Variants in NCAM2 observed in about 807,000 individuals in gnomAD.
NCAM2 encodes N-CAM-2.
Under a neutral mutation model 98.1 loss-of-function variants are expected in NCAM2, and 30 were observed. The observed-to-expected ratio is 0.31, with a 90% confidence interval of 0.23 to 0.41. The LOEUF (loss-of-function observed/expected upper bound fraction) is 0.41. Ranked by LOEUF, NCAM2 falls within the 10% of genes least tolerant of loss-of-function variation. NCAM2 has a pLI of 1.00. For missense variants in NCAM2, 867 were observed against 1,005.8 expected (o/e 0.86, Z 1.87); for synonymous variants, 368 against 342.4 (o/e 1.07, Z -0.83).
Position 21,030,020 on chromosome 21 carries a change from A to G in NCAM2, c.55+31402A>G, listed in dbSNP as rs557636758. ...ATTTAATTAAATATGTTGAAATCAT[A>G]TTACATTCTTATAATTATTCATGGT... On this transcript the variant is annotated intron_variant, in intron 1 of 17. Coordinates refer to ENST00000400546, the MANE Select transcript of NCAM2 (RefSeq NM_004540.5). 6.6e-5 allele frequency among the ~76,000 whole-genome samples: 10 copies of G among 152,300 alleles called. No individual in the cohort carries two copies. The East Asian group carries it at 1.5e-3, about 23-fold the overall frequency.
At chr21:21,307,692 C>A in intron 5 of NCAM2, among the ~76,000 whole-genome samples, 1 of 152,054 alleles carries the variant, frequency 6.6e-6, no homozygotes, top group East Asian at 1.9e-4. Context: ...GGTGCCTTTA[C>A]CTTTGAGCAA....
chr21:21,398,928 T>C (rs1010273705), intron 9 of NCAM2, among the ~76,000 whole-genome samples: 1 of 152,174 alleles, frequency 6.6e-6, no homozygotes, highest in Non-Finnish European at 1.5e-5. Context: ...AGGTTTATTC[T>C]GAGAGCCAGC....
intron 9 of NCAM2, among the ~76,000 whole-genome samples, chr21:21,387,131 G>A (rs1266869427): frequency 6.6e-6 from 1 of 151,536 alleles, no homozygotes; most frequent in East Asian, 1.9e-4. Context: ...TGACTGGTAA[G>A]GGCCCTCTTT....
intron 8 of NCAM2, among the ~76,000 whole-genome samples, chr21:21,344,697 G>A (rs2075140643): frequency 6.6e-6 from 1 of 152,160 alleles, no homozygotes; most frequent in Admixed American, 6.5e-5. Context: ...TGGGGCAAGG[G>A]GGACCTTGCT....
intron 5 of NCAM2, 123 bp from the exon 6 acceptor site, chr21:21,324,260 C>G: frequency 1.6e-6 from 1 of 627,160 alleles, no homozygotes; most frequent in South Asian, 2.5e-5. Flanking sequence ...AAATCAGTTT[C>G]ATTAATATAA....
intron 8 of NCAM2, among the ~76,000 whole-genome samples, chr21:21,371,489 AT>A (rs2075913523): frequency 3.3e-5 from 5 of 151,744 alleles, no homozygotes; most frequent in Admixed American, 3.3e-4. Context: ...TATGGTCCCT[AT>A]TTACCTGTCC....
At chr21:21,506,838 T>G (rs1437563860) in intron 15 of NCAM2, among the ~76,000 whole-genome samples, 1 of 152,170 alleles carries the variant, frequency 6.6e-6, no homozygotes, top group African/African-American at 2.4e-5. Flanking sequence ...CTTGTGTTTA[T>G]CACTAGTTTT....
chr21:21,327,227 G>A (rs2074540079), intron 6 of NCAM2, among the ~76,000 whole-genome samples: 1 of 142,992 alleles, frequency 7.0e-6, no homozygotes, highest in Non-Finnish European at 1.5e-5. Context: ...AGAATAGCTT[G>A]AACCCGGGAG....
At chr21:21,077,829 A>G (rs2065710852) in intron 1 of NCAM2, among the ~76,000 whole-genome samples, 1 of 152,118 alleles carries the variant, frequency 6.6e-6, no homozygotes, top group Non-Finnish European at 1.5e-5. Context: ...TTGGCACATT[A>G]TTTTACACAT....
chr21:21,398,376 G>A (rs2076559712), intron 9 of NCAM2, among the ~76,000 whole-genome samples: 1 of 151,988 alleles, frequency 6.6e-6, no homozygotes, highest in Admixed American at 6.6e-5. Flanking sequence ...CTTATCCTTA[G>A]AACCAAACAC....
chr21:21,123,171 G>A (rs1473298699), intron 1 of NCAM2, among the ~76,000 whole-genome samples: 1 of 151,808 alleles, frequency 6.6e-6, no homozygotes, highest in Admixed American at 6.6e-5. Context: ...GATGTGGGCC[G>A]GATCATGAGG....
At chr21:21,511,616 A>G (rs1988388607) in intron 16 of NCAM2, among the ~76,000 whole-genome samples, 1 of 151,956 alleles carries the variant, frequency 6.6e-6, no homozygotes. Context: ...CAAGCAGAGG[A>G]ATCACTGGAT....
At chr21:21,246,061 G>A (rs942513183) in intron 1 of NCAM2, among the ~76,000 whole-genome samples, 1 of 152,140 alleles carries the variant, frequency 6.6e-6, no homozygotes, top group Non-Finnish European at 1.5e-5. Flanking sequence ...AAATGACAGC[G>A]TACTACTTTG....
At chr21:21,028,839 A>G (rs1459095625) in intron 1 of NCAM2, among the ~76,000 whole-genome samples, 1 of 152,196 alleles carries the variant, frequency 6.6e-6, no homozygotes, top group Non-Finnish European at 1.5e-5. Context: ...AGGGAAACAA[A>G]ACAAGTGTAT....
intron 1 of NCAM2, among the ~76,000 whole-genome samples, chr21:21,229,254 A>G (rs1170056561): frequency 6.6e-6 from 1 of 151,498 alleles, no homozygotes; most frequent in African/African-American, 2.4e-5. Context: ...TTAATAACCT[A>G]TGTTTGATTT....
chr21:21,231,381 A>G (rs1294312244), intron 1 of NCAM2, among the ~76,000 whole-genome samples: 1 of 151,368 alleles, frequency 6.6e-6, no homozygotes, highest in East Asian at 1.9e-4. Flanking sequence ...ATTATCATGT[A>G]CTTCCTGGGA....
At chr21:21,234,263 C>G (rs960390097) in intron 1 of NCAM2, among the ~76,000 whole-genome samples, 2 of 151,544 alleles carry the variant, frequency 1.3e-5, no homozygotes, top group African/African-American at 2.4e-5. Flanking sequence ...AAATAGGAAC[C>G]CTTCACTCAT....
intron 1 of NCAM2, among the ~76,000 whole-genome samples, chr21:21,054,200 C>G (rs1224894172): frequency 6.6e-6 from 1 of 151,898 alleles, no homozygotes; most frequent in African/African-American, 2.4e-5. Flanking sequence ...ATTGAATAAT[C>G]TGAATTAGAA....
chr21:21,113,635 A>G lies in NCAM2; in HGVS notation c.55+115017A>G, dbSNP rs527267748. The stretch of plus-strand genomic sequence containing the variant: ...GGTATTTAGCAGATTTTGTTTTCCA[A>G]AAACGCACAAAGTGTGTTTGTCAAT... On this transcript the variant is annotated intron_variant, in intron 1 of 17. Transcript: ENST00000400546. 1.7e-3 allele frequency among the ~76,000 whole-genome samples: 258 copies of G among 152,308 alleles called. 1 individual carries two copies. The highest frequency in any genetic ancestry group is 5.9e-3 in the African/African-American group (245 of 41,578).
Sources: allele counts gnomAD v4.1 joint callset (sites outside exome capture counted in the v4.1 genomes callset), GRCh38; gene constraint gnomAD v4.1.1; transcripts MANE v1.5; gene names NCBI Gene and HGNC (gene_info 2026-07-23, HGNC 2026-07-21).